ELK3: variants seen among roughly 807,000 people sequenced by gnomAD.
The protein encoded by ELK3 is ETS transcription factor ELK3, also known as ETS domain-containing protein Elk-3.
ELK3 carries 10 observed loss-of-function variants against 28.9 expected under a neutral mutation model. The ratio of observed to expected loss-of-function variants is 0.35; its 90% CI spans 0.21 to 0.59. ELK3 has a LOEUF of 0.59. Ranked by LOEUF, ELK3 falls within the 20% of genes least tolerant of loss-of-function variation. ELK3 has a pLI of 0.82. For synonymous variants in ELK3, 272 were observed against 243.5 expected, an observed-to-expected ratio of 1.12 and a Z score of -1.09; for missense variants, 463 against 517.3, an observed-to-expected ratio of 0.90 and a Z score of 1.02.
Position 96,269,006 on chromosome 12 carries a change from A to C in ELK3, c.*1826A>C, listed in dbSNP as rs1952064502. On this transcript the variant is annotated 3_prime_UTR_variant, in exon 5 of 5. Coordinates refer to ENST00000228741, the MANE Select transcript of ELK3 (RefSeq NM_005230.4). ...GAGCTGGTCCAGGGAACTGATATTT[A>C]CTGAACATACAAAGTTAGTGCTAGA... 1 of 138,994 alleles carries C rather than the reference A, an allele frequency of 7.2e-6. No individual in the cohort carries two copies. Among genetic ancestry groups the C allele is most frequent in the Non-Finnish European group, 1.5e-5 (1 of 66,690 alleles). 8.6% of individuals were successfully genotyped at this position (138,994 alleles called of 1,614,324 possible).
chr12:96,253,144 CCACTACTTGGGAGCCTGAGGCAGGAGAAT>C (rs1418203802), intron 3 of ELK3, among the ~76,000 whole-genome samples: 1 of 152,174 alleles, frequency 6.6e-6, no homozygotes, highest in Non-Finnish European at 1.5e-5. Context: ...GCCTGTAATC[CCACTACTTGGGAGCCTGAGGCAGGAGAAT>C]CACTTGAACC....
chr12:96,257,134 C>T (rs1951956329), intron 3 of ELK3, among the ~76,000 whole-genome samples: 2 of 152,142 alleles, frequency 1.3e-5, no homozygotes, highest in African/African-American at 4.8e-5. Context: ...AGCCCTTGGC[C>T]CTCAGGCTCA....
chr12:96,231,988 T>C (rs559380189), intron 2 of ELK3, among the ~76,000 whole-genome samples: 7 of 152,238 alleles, frequency 4.6e-5, no homozygotes, highest in South Asian at 4.1e-4. Flanking sequence ...TGGGGTCTTC[T>C]GGGAGAGCAG....
At chr12:96,248,420 T>C (rs1951875976) in intron 3 of ELK3, among the ~76,000 whole-genome samples, 1 of 152,228 alleles carries the variant, frequency 6.6e-6, no homozygotes, top group African/African-American at 2.4e-5. Flanking sequence ...CAGCTGACAA[T>C]TGCAGTGCAA....
chr12:96,206,680 T>C (rs752217777), intron 1 of ELK3, among the ~76,000 whole-genome samples: 1 of 152,214 alleles, frequency 6.6e-6, no homozygotes, highest in Non-Finnish European at 1.5e-5. Flanking sequence ...TGAACAATTA[T>C]TGGAAGAGCA....
chr12:96,239,293 A>C (rs1951804381), intron 2 of ELK3, among the ~76,000 whole-genome samples: 1 of 152,230 alleles, frequency 6.6e-6, no homozygotes, highest in Non-Finnish European at 1.5e-5. Flanking sequence ...CATTTTTAAA[A>C]TAATGGAATT....
intron 1 of ELK3, among the ~76,000 whole-genome samples, chr12:96,210,558 G>C (rs1350776756): frequency 2.3e-4 from 14 of 62,154 alleles, no homozygotes; most frequent in African/African-American, 7.4e-4. Flanking sequence ...CCTGCGCGCG[G>C]GCGCACGCAC....
At chr12:96,225,969 C>T (rs1248791375) in intron 2 of ELK3, among the ~76,000 whole-genome samples, 1 of 151,846 alleles carries the variant, frequency 6.6e-6, no homozygotes, top group East Asian at 1.9e-4. Context: ...CCTGTCACAA[C>T]AAAGAATTAA....
rs181414118 is a variant in ELK3 at position 96,221,252 on chromosome 12, G to A, written c.-2-2313G>A. 3.9e-5 allele frequency among the ~76,000 whole-genome samples: 6 copies of A among 152,334 alleles called. No homozygotes were observed. In the East Asian group the frequency reaches 1.2e-3, roughly 29 times the overall value. On this transcript the variant is annotated intron_variant, in intron 1 of 4. Coordinates refer to ENST00000228741, the MANE Select transcript of ELK3 (RefSeq NM_005230.4). ...GGTCTCTGACACATGGGGTTGGATT[G>A]CAATGAAAAGTGATTCTGTGATGCA...
chr12:96,208,622 G>A (rs1279364270), intron 1 of ELK3, among the ~76,000 whole-genome samples: 1 of 152,188 alleles, frequency 6.6e-6, no homozygotes, highest in African/African-American at 2.4e-5. Flanking sequence ...GAGGAGAGAC[G>A]AGTTTTGGTG....
chr12:96,240,945 A>G (rs1242083144), intron 2 of ELK3, among the ~76,000 whole-genome samples: 1 of 152,224 alleles, frequency 6.6e-6, no homozygotes, highest in Admixed American at 6.5e-5. Flanking sequence ...CATGCAGCAA[A>G]TATTTGCCAC....
chr12:96,248,835 G>A (rs546382447), intron 3 of ELK3, among the ~76,000 whole-genome samples: 2 of 152,318 alleles, frequency 1.3e-5, no homozygotes, highest in Admixed American at 1.3e-4. Flanking sequence ...GCCCTGTCAC[G>A]TGGATACAGG....
intron 1 of ELK3, among the ~76,000 whole-genome samples, chr12:96,218,018 C>G (rs904888747): frequency 6.6e-6 from 1 of 151,610 alleles, no homozygotes; most frequent in Admixed American, 6.6e-5. Context: ...AGGAGGTATG[C>G]ATATGATTCA....
intron 1 of ELK3, among the ~76,000 whole-genome samples, chr12:96,199,679 A>G (rs754111082): frequency 1.3e-5 from 2 of 152,234 alleles, no homozygotes; most frequent in African/African-American, 4.8e-5. Context: ...GCAGTTTTAA[A>G]GTAAACTTTG....
At chr12:96,243,985 G>A (rs1173318230) in intron 2 of ELK3, among the ~76,000 whole-genome samples, 1 of 129,992 alleles carries the variant, frequency 7.7e-6, no homozygotes, top group African/African-American at 2.9e-5. Flanking sequence ...CAGCCTGGAC[G>A]ACAGAGCAAG....
chr12:96,213,271 C>A (rs892058978), intron 1 of ELK3, among the ~76,000 whole-genome samples: 2 of 152,154 alleles, frequency 1.3e-5, no homozygotes, highest in Non-Finnish European at 2.9e-5. Context: ...TCAGTTATTT[C>A]TTTACCCTGC....
intron 3 of ELK3, among the ~76,000 whole-genome samples, chr12:96,253,556 C>T (rs1378982720): frequency 2.0e-5 from 3 of 152,176 alleles, no homozygotes; most frequent in Non-Finnish European, 4.4e-5. Context: ...TTAGGAGCTT[C>T]CAGAGATTCA....
chr12:96,236,396 C>A (rs1474953265), intron 2 of ELK3, among the ~76,000 whole-genome samples: 2 of 152,230 alleles, frequency 1.3e-5, no homozygotes, highest in African/African-American at 2.4e-5. Context: ...GCCTCAACTT[C>A]AGGCTGGCCA....
chr12:96,246,642 CAG>C (rs972609691), intron 2 of ELK3, among the ~76,000 whole-genome samples: 1 of 152,184 alleles, frequency 6.6e-6, no homozygotes, highest in Non-Finnish European at 1.5e-5. Flanking sequence ...GCCTGTGCGA[CAG>C]AGTGAGACCC....
Sources: gnomAD v4.1 joint callset for allele counts (sites outside exome capture counted in the v4.1 genomes callset) on GRCh38, gnomAD v4.1.1 for gene constraint, MANE v1.5 for transcripts, NCBI Gene and HGNC (gene_info 2026-07-23, HGNC 2026-07-21) for gene names.